Variants in NPHS2 observed in about 807,000 individuals in gnomAD.
NPHS2 encodes the protein NPHS2 stomatin family member, podocin.
A neutral mutation model predicts 37.1 loss-of-function variants in NPHS2; 36 were observed. The observed-to-expected ratio is 0.97, with a 90% CI of 0.74 to 1.28. The LOEUF (loss-of-function observed/expected upper bound fraction) is 1.28. NPHS2 is among the 50% of genes most tolerant of loss of function. The pLI is 0.00. For missense variants in NPHS2, 447 were observed against 488.1 expected, an observed-to-expected ratio of 0.92 and a Z score of 0.79; for synonymous variants, 196 against 189.3, an observed-to-expected ratio of 1.04 and a Z score of -0.29.
At chr1:179,562,242 T>A (rs1674168283) in intron 2 of NPHS2, among the ~76,000 whole-genome samples, 1 of 152,178 alleles carries the variant, frequency 6.6e-6, no homozygotes, top group Non-Finnish European at 1.5e-5. Context: ...AATAGAGAAG[T>A]TACTGCACAC....
At chr1:179,561,732 G>C (rs972428226) in intron 2 of NPHS2, among the ~76,000 whole-genome samples, 3 of 152,132 alleles carry the variant, frequency 2.0e-5, no homozygotes. Flanking sequence ...GAAAGAGGGA[G>C]TATATTTTAA....
intron 2 of NPHS2, 23 bp downstream of exon 2, chr1:179,564,667 A>G (rs374114237): frequency 1.3e-6 from 2 of 1,594,250 alleles, no homozygotes; most frequent in African/African-American, 1.3e-5. Context: ...GAAATTACCT[A>G]TTGGGTCCTT....
chr1:179,554,565 C>G (rs1183042289), intron 5 of NPHS2, 34 bp from the exon 6 acceptor site: 3 of 1,614,098 alleles, frequency 1.9e-6, no homozygotes, highest in Non-Finnish European at 2.5e-6. Context: ...TCAGTGGGAG[C>G]CTCCAGGTGG....
Position 179,557,080 on chromosome 1 carries a change from G to C in NPHS2, c.685C>G (p.Arg229Gly). The C allele has an allele frequency of 6.2e-7, 1 of 1,614,076 alleles. No individual in the cohort carries two copies. Among genetic ancestry groups the C allele is most frequent in the Non-Finnish European group, 8.5e-7 (1 of 1,179,974 alleles). ...TCTAGAAGAATTTCAGTGAGGGATCGATGTGCTAGGAGACGCTTCATAGTG... is the reference window on the plus strand; with the variant it reads ...TCTAGAAGAATTTCAGTGAGGGATCCATGTGCTAGGAGACGCTTCATAGTG... ...QTTMKRLLAH[R>G]SLTEILLERK... Residue 229 changes from arginine (R) to glycine (G), a missense_variant, in exon 5 of 8, where the codon CGA (arginine) becomes GGA (glycine). By Grantham distance (125) the Arg-to-Gly change is moderately radical. Coordinates refer to ENST00000367615, the MANE Select transcript of NPHS2 (RefSeq NM_014625.4).
chr1:179,555,805 T>C (rs948143306), intron 5 of NPHS2, among the ~76,000 whole-genome samples: 2 of 152,206 alleles, frequency 1.3e-5, no homozygotes, highest in Non-Finnish European at 2.9e-5. Flanking sequence ...ACTAGAATAG[T>C]TGGGTCATTT....
chr1:179,567,894 C>G (rs950856288), intron 1 of NPHS2, among the ~76,000 whole-genome samples: 1 of 152,124 alleles, frequency 6.6e-6, no homozygotes, highest in African/African-American at 2.4e-5. Context: ...GTTGAACCAG[C>G]CTTGCATCCC....
chr1:179,568,059 T>C (rs1674405232), intron 1 of NPHS2, among the ~76,000 whole-genome samples: 1 of 152,230 alleles, frequency 6.6e-6, no homozygotes, highest in Non-Finnish European at 1.5e-5. Flanking sequence ...AGGATTATGT[T>C]GTCCTCATAA....
At chr1:179,551,929 C>T (rs1673341901) in intron 7 of NPHS2, 1 of 176,608 alleles carries the variant, frequency 5.7e-6, no homozygotes, top group African/African-American at 2.4e-5. Flanking sequence ...TGGGGACTAT[C>T]CTCCTCCCCT....
chr1:179,555,060 G>C (rs1190333218), intron 5 of NPHS2, among the ~76,000 whole-genome samples: 1 of 152,170 alleles, frequency 6.6e-6, no homozygotes, highest in African/African-American at 2.4e-5. Flanking sequence ...GAAAAGGCAA[G>C]GAAACGGATT....
chr1:179,564,820 A>AG (rs1674276543), intron 1 of NPHS2, 27 bp from the exon 2 acceptor site: 1 of 1,560,476 alleles, frequency 6.4e-7, no homozygotes, highest in Non-Finnish European at 8.8e-7. Context: ...CAAAAGAATA[A>AG]TTATATTGAA....
chr1:179,561,139 G>T, intron 3 of NPHS2, 150 bp downstream of exon 3: 1 of 753,704 alleles, frequency 1.3e-6, no homozygotes, highest in Non-Finnish European at 2.4e-6. Context: ...AAGAATATTT[G>T]AATAACCTAT....
At chr1:179,560,909 C>G (rs1457307292) in intron 3 of NPHS2, among the ~76,000 whole-genome samples, 1 of 152,224 alleles carries the variant, frequency 6.6e-6, no homozygotes, top group Non-Finnish European at 1.5e-5. Flanking sequence ...TGAACTTTGC[C>G]TGTTTCTCAT....
At position 179,556,015 on chromosome 1, in the gene NPHS2, T is replaced by C. The variant is rs1673908135; in HGVS notation, c.738+1012A>G. Among the ~76,000 whole-genome samples, 1 of 152,232 alleles carries C rather than the reference T, an allele frequency of 6.6e-6. No individual in the cohort carries two copies. The highest frequency in any genetic ancestry group is 3.2e-3 in the Middle Eastern group (1 of 316). On this transcript the variant is annotated intron_variant, in intron 5 of 7. Coordinates refer to ENST00000367615, the MANE Select transcript of NPHS2 (RefSeq NM_014625.4). The surrounding 1 kb of genome is among the most constrained non-coding windows in gnomAD (Gnocchi z 4.1). ...GGGTTTATTAGGATACATGCATTTT[T>C]GACTTACGATATTTTTTGCTTTATG...
At chr1:179,567,651 A>T (rs1234184156) in intron 1 of NPHS2, among the ~76,000 whole-genome samples, 3 of 152,148 alleles carry the variant, frequency 2.0e-5, no homozygotes, top group Non-Finnish European at 2.9e-5. Context: ...GCTGGTTTTC[A>T]AAGGGAATGC....
intron 2 of NPHS2, among the ~76,000 whole-genome samples, chr1:179,561,972 A>AT (rs1394439210): frequency 2.0e-5 from 3 of 152,104 alleles, no homozygotes; most frequent in African/African-American, 4.8e-5. Context: ...TGCCTGGCTA[A>AT]TTTTTTGTAT....
At chr1:179,562,633 C>A (rs1674188667) in intron 2 of NPHS2, among the ~76,000 whole-genome samples, 1 of 152,168 alleles carries the variant, frequency 6.6e-6, no homozygotes, top group Non-Finnish European at 1.5e-5. Context: ...GATCTACTAA[C>A]CCACTGTAAG....
chr1:179,554,762 C>T (rs1673818203), intron 5 of NPHS2: 1 of 601,198 alleles, frequency 1.7e-6, no homozygotes, highest in African/African-American at 1.9e-5. Context: ...GAATAATGGT[C>T]CCCAAAGATA....
At chr1:179,568,725 C>T (rs1988031) in intron 1 of NPHS2, among the ~76,000 whole-genome samples, 137,523 of 152,238 alleles carry the variant, frequency 0.9, 62,275 homozygotes, top group East Asian at 0.98. Context: ...GCTTTAAATG[C>T]GTCCCAGAGA....
chr1:179,556,287 G>A lies in NPHS2; in HGVS notation c.738+740C>T, dbSNP rs1673925354. Among the ~76,000 whole-genome samples the A allele has an allele frequency of 6.6e-6, 1 of 152,212 alleles. No individual in the cohort carries two copies. The highest frequency in any genetic ancestry group is 6.5e-5 in the Admixed American group (1 of 15,286). ...TCCTAACCCAGTTCTGGGCCTGGGTGTCCCCACTGCTTCAGTGACAGGCTC... is the reference window on the plus strand; with the variant it reads ...TCCTAACCCAGTTCTGGGCCTGGGTATCCCCACTGCTTCAGTGACAGGCTC... On this transcript the variant is annotated intron_variant, in intron 5 of 7. Coordinates refer to ENST00000367615, the MANE Select transcript of NPHS2 (RefSeq NM_014625.4). This position sits in a 1 kb window ranked among gnomAD's most constrained non-coding sequence, Gnocchi z 4.1.
Sources: gnomAD v4.1 joint callset for allele counts (sites outside exome capture counted in the v4.1 genomes callset) on GRCh38, gnomAD v4.1.1 for gene constraint, Gnocchi (gnomAD v3.1) non-coding constraint, MANE v1.5 for transcripts, NCBI Gene and HGNC (gene_info 2026-07-23, HGNC 2026-07-21) for gene names.